FAM200B: variants seen among roughly 807,000 people sequenced by gnomAD.
FAM200B encodes the protein protein FAM200B.
A neutral mutation model predicts 33.1 loss-of-function variants in FAM200B; 32 were observed. The ratio of observed to expected loss-of-function variants is 0.97; its 90% confidence interval spans 0.73 to 1.30. The LOEUF (loss-of-function observed/expected upper bound fraction) is 1.30. Ranked by LOEUF, FAM200B falls within the 50% of genes most tolerant of loss-of-function variation. The pLI, the probability that FAM200B is intolerant of heterozygous loss-of-function variation, is 0.00. For missense variants in FAM200B, 741 were observed against 754.0 expected (o/e 0.98, Z 0.20); for synonymous variants, 240 against 264.8 (o/e 0.91, Z 0.91).
chr4:15,653,622 C>A, the FAM200B span, among the ~76,000 whole-genome samples: 1 of 150,788 alleles, frequency 6.6e-6, no homozygotes, highest in South Asian at 2.1e-4. Context: ...GTCTTCACTT[C>A]CACTTTCGAT....
chr4:15,656,461 T>A, the FAM200B span: 6 of 353,966 alleles, frequency 1.7e-5, no homozygotes, highest in South Asian at 1.3e-4. Flanking sequence ...GTGTTCACCC[T>A]TGTTCTCTAT....
the FAM200B span, among the ~76,000 whole-genome samples, chr4:15,663,308 G>T: frequency 6.6e-6 from 1 of 152,100 alleles, no homozygotes; most frequent in Non-Finnish European, 1.5e-5. Flanking sequence ...TAAATGATAG[G>T]TATCTTTATT....
At chr4:15,664,966 T>A in the FAM200B span, among the ~76,000 whole-genome samples, 5 of 152,150 alleles carry the variant, frequency 3.3e-5, no homozygotes, top group Admixed American at 2.6e-4. Flanking sequence ...AGTTTAAGGT[T>A]GAAGTTTAGA....
At chr4:15,677,063 G>A (rs565408921), upstream of FAM200B, among the ~76,000 whole-genome samples, 120 of 152,226 alleles carry the variant, frequency 7.9e-4, no homozygotes, top group Middle Eastern at 0.02. Flanking sequence ...CGGATATACC[G>A]CTAGATAGCG....
the FAM200B span, among the ~76,000 whole-genome samples, chr4:15,660,205 A>G: frequency 6.6e-6 from 1 of 152,072 alleles, no homozygotes; most frequent in Non-Finnish European, 1.5e-5. Context: ...CAGCTGCAGA[A>G]TAGCTAAGAC....
chr4:15,647,020 C>T, the FAM200B span, among the ~76,000 whole-genome samples: 3 of 151,466 alleles, frequency 2.0e-5, no homozygotes, highest in Non-Finnish European at 4.4e-5. Flanking sequence ...GTCAGGAGTT[C>T]GAGACCAGCC....
In FAM200B at chr4:15,689,019, T is replaced by C. The variant is rs1175716665; in HGVS notation, c.*68T>C. On this transcript the variant is annotated 3_prime_UTR_variant, in exon 2 of 2. Coordinates refer to ENST00000422728, the MANE Select transcript of FAM200B (RefSeq NM_001145191.2). The stretch of plus-strand genomic sequence containing the variant: ...TTTGTAGTATTTTTCTATGTTATAT[T>C]TAAATGGTACTATAATACTGTGATA... 1 of 1,194,642 alleles carries C rather than the reference T, an allele frequency of 8.4e-7. No individual in the cohort carries two copies. The allele number at this position is 1,194,642 out of a possible 1,614,324, so 74.0% of individuals were successfully genotyped here.
chr4:15,640,543 G>C, the FAM200B span, among the ~76,000 whole-genome samples: 1 of 151,618 alleles, frequency 6.6e-6, no homozygotes, highest in South Asian at 2.1e-4. Flanking sequence ...TTACAAAAAA[G>C]AAAATTAATA....
rs753381127 is a variant in FAM200B, at chr4:15,688,900, C to G, written c.1923C>G (p.Ser641=). 10 of 1,547,546 alleles carry G rather than the reference C, an allele frequency of 6.5e-6. No individual in the cohort carries two copies. The South Asian group carries it at 1.1e-4, about 17-fold the overall frequency. ...CAGTTATGCGGGTAGCATTATCTTC[C>G]TGTGTTCCAGACTGGAATGAACTTA... ...CAAVMRVALS[S]CVPDWNELMN... The change falls in exon 2 of 2, where the codon TCC becomes TCG. Residue 641 remains serine (S), a synonymous_variant. Coordinates refer to ENST00000422728, the MANE Select transcript of FAM200B (RefSeq NM_001145191.2).
At chr4:15,638,153 C>G in the FAM200B span, among the ~76,000 whole-genome samples, 4 of 152,148 alleles carry the variant, frequency 2.6e-5, no homozygotes, top group Non-Finnish European at 4.4e-5. Context: ...AGGATGATAT[C>G]GCAAAAGTGC....
At chr4:15,638,567 T>C in the FAM200B span, 3 of 1,608,402 alleles carry the variant, frequency 1.9e-6, no homozygotes, top group Non-Finnish European at 2.5e-6. Context: ...TTCAGCATGA[T>C]TCCATAGGCT....
At chr4:15,675,688 TCTC>T in the FAM200B span, among the ~76,000 whole-genome samples, 1 of 151,018 alleles carries the variant, frequency 6.6e-6, no homozygotes, top group Non-Finnish European at 1.5e-5. Context: ...TTCGAGCAAT[TCTC>T]CTGCCTCAGC....
the FAM200B span, chr4:15,640,894 A>G: frequency 9.3e-6 from 12 of 1,297,078 alleles, no homozygotes; most frequent in African/African-American, 1.6e-4. Context: ...CTGGAAACCA[A>G]AAAAAAAATA....
Position 15,689,963 on chromosome 4 carries a change from A to G in FAM200B, c.*1012A>G, listed in dbSNP as rs766352116. ...TATCTGATTACTGTTATTCTTCCAT[A>G]GTAGGGGAGGTGATATCCATTTGCC... On this transcript the variant is annotated 3_prime_UTR_variant, in exon 2 of 2. Transcript: ENST00000422728. The G allele has an allele frequency of 6.0e-6, 1 of 167,054 alleles. No homozygotes were observed. Among genetic ancestry groups the G allele is most frequent in the Non-Finnish European group, 1.5e-5 (1 of 68,118 alleles). The allele number at this position is 167,054 out of a possible 1,614,324, so 10.3% of individuals were successfully genotyped here.
chr4:15,670,459 T>A, the FAM200B span, among the ~76,000 whole-genome samples: 1 of 152,236 alleles, frequency 6.6e-6, no homozygotes, highest in East Asian at 1.9e-4. Flanking sequence ...TACCATCATA[T>A]CTTTTTTCAT....
the FAM200B span, among the ~76,000 whole-genome samples, chr4:15,648,401 A>C: frequency 6.6e-6 from 1 of 152,200 alleles, no homozygotes; most frequent in Non-Finnish European, 1.5e-5. Context: ...AAAGTAAATA[A>C]AATTAGGATC....
In FAM200B at chr4:15,688,884, G is replaced by A. The variant is rs375777415; in HGVS notation, c.1907G>A (p.Arg636Gln). 7.7e-6 allele frequency: 12 copies of A among 1,549,692 alleles called. No individual in the cohort carries two copies. The highest frequency in any genetic ancestry group is 4.1e-5 in the African/African-American group (3 of 73,000). Residue 636 changes from arginine to glutamine, a missense_variant, in exon 2 of 2, where the codon CGG becomes CAG. Arg to Gln is a conservative substitution (Grantham distance 43, BLOSUM62 1). Transcript: ENST00000422728. ...GGGCTGAATTGTGCAGCAGTTATGC[G>A]GGTAGCATTATCTTCCTGTGTTCCA... ...RNGLNCAAVM[R>Q]VALSSCVPDW... is the part of the protein sequence containing the mutation.
chr4:15,679,808 T>C (rs947299250), upstream of FAM200B, among the ~76,000 whole-genome samples: 6 of 151,894 alleles, frequency 4.0e-5, no homozygotes, highest in African/African-American at 1.4e-4. Context: ...TCTCTGCTGA[T>C]AGGAGTGTAA....
Position 15,688,267 on chromosome 4 carries a change from A to G in FAM200B, c.1290A>G (p.Ala430=). 3 of 1,548,342 alleles carry G rather than the reference A, an allele frequency of 1.9e-6. No individual in the cohort carries two copies. The highest frequency in any genetic ancestry group is 2.6e-6 in the Non-Finnish European group (3 of 1,144,246). Residue 430 remains alanine (A), a synonymous_variant, in exon 2 of 2, where the codon GCA becomes GCG. Transcript: ENST00000422728. Reference sequence around the variant, plus strand: ...ATGATACTTGGGTAACAAAATTGGCATATTTAACTGATATTTTTAGCATTC... The same window carrying G: ...ATGATACTTGGGTAACAAAATTGGCGTATTTAACTGATATTTTTAGCATTC... ...FEDDTWVTKL[A]YLTDIFSILN... is the part of the protein sequence containing the mutation.
Sources: allele counts gnomAD v4.1 joint callset (sites outside exome capture counted in the v4.1 genomes callset), GRCh38; gene constraint gnomAD v4.1.1; transcripts MANE v1.5; gene names NCBI Gene and HGNC (gene_info 2026-07-23, HGNC 2026-07-21).